The following ERBB4 variants were observed in gnomAD, a reference collection of about 807,000 sequenced individuals.
ERBB4 encodes the protein receptor tyrosine-protein kinase erbB-4.
A neutral mutation model predicts 158.0 loss-of-function variants in ERBB4; 42 were observed. That is an observed-to-expected ratio of 0.27 (90% CI 0.21 to 0.34). ERBB4 has a LOEUF of 0.34. ERBB4 is among the 10% of genes least tolerant of loss of function. The pLI, the probability that ERBB4 is intolerant of heterozygous loss-of-function variation, is 1.00. For missense variants in ERBB4, 1,333 were observed against 1,624.1 expected (o/e 0.82, Z 3.08); for synonymous variants, 583 against 558.7 (o/e 1.04, Z -0.61).
chr2:211,717,604 T>G (rs11895855), intron 7 of ERBB4, among the ~76,000 whole-genome samples: 96,496 of 151,874 alleles, frequency 0.64, 30,873 homozygotes, highest in Admixed American at 0.7. Flanking sequence ...CCGAGGGAGG[T>G]GGATTAACTG....
At chr2:212,238,493 G>A (rs2083962104) in intron 1 of ERBB4, among the ~76,000 whole-genome samples, 2 of 151,568 alleles carry the variant, frequency 1.3e-5, no homozygotes, top group South Asian at 4.2e-4. Context: ...GATCTCGCTG[G>A]AAGCTGCAGA....
intron 1 of ERBB4, among the ~76,000 whole-genome samples, chr2:212,307,207 T>G (rs947590547): frequency 6.6e-6 from 1 of 151,170 alleles, no homozygotes; most frequent in African/African-American, 2.4e-5. Flanking sequence ...CTGGATCAGA[T>G]GACCTTTCAG....
chr2:212,505,359 A>G (rs187085400), intron 1 of ERBB4, among the ~76,000 whole-genome samples: 67 of 152,272 alleles, frequency 4.4e-4, no homozygotes, highest in African/African-American at 1.5e-3. Flanking sequence ...GGCCTCCCAA[A>G]GTGCTGGGAC....
chr2:212,493,955 C>A (rs1690422963), intron 1 of ERBB4, among the ~76,000 whole-genome samples: 1 of 151,728 alleles, frequency 6.6e-6, no homozygotes, highest in Non-Finnish European at 1.5e-5. Flanking sequence ...AAGGAAAATT[C>A]TTATTCTTAT....
chr2:212,151,200 T>C (rs2080856008), intron 1 of ERBB4, among the ~76,000 whole-genome samples: 1 of 151,776 alleles, frequency 6.6e-6, no homozygotes. Context: ...TGTGATATTA[T>C]TTTTTAACAA....
At chr2:212,283,334 C>A (rs1034013354) in intron 1 of ERBB4, among the ~76,000 whole-genome samples, 2 of 151,962 alleles carry the variant, frequency 1.3e-5, no homozygotes, top group Non-Finnish European at 2.9e-5. Context: ...TCATATGGCA[C>A]AATTTGTACG....
chr2:211,627,339 T>A (rs549225902), intron 17 of ERBB4, among the ~76,000 whole-genome samples: 1 of 152,372 alleles, frequency 6.6e-6, no homozygotes, highest in East Asian at 1.9e-4. Flanking sequence ...AGTAATCAAA[T>A]TGCTCTTCAA....
chr2:212,368,130 C>T (rs558355940), intron 1 of ERBB4, among the ~76,000 whole-genome samples: 2 of 152,150 alleles, frequency 1.3e-5, no homozygotes, highest in Middle Eastern at 3.4e-3. Flanking sequence ...CTTGCACACA[C>T]GTTTACAGTG....
intron 1 of ERBB4, among the ~76,000 whole-genome samples, chr2:212,398,850 G>A (rs2091105534): frequency 6.6e-6 from 1 of 152,088 alleles, no homozygotes; most frequent in Non-Finnish European, 1.5e-5. Context: ...GACCAAAGCA[G>A]ATAGCATATT....
intron 1 of ERBB4, among the ~76,000 whole-genome samples, chr2:212,359,107 T>C (rs960767941): frequency 1.3e-5 from 2 of 151,646 alleles, no homozygotes; most frequent in African/African-American, 4.8e-5. Flanking sequence ...ACAACAGATA[T>C]TGTTCTTAAA....
At chr2:212,354,557 C>A (rs2888089) in intron 1 of ERBB4, among the ~76,000 whole-genome samples, 98,731 of 151,982 alleles carry the variant, frequency 0.65, 32,658 homozygotes, top group East Asian at 0.79. Context: ...TAACTTGGAT[C>A]TTCCTGGGTA....
intron 1 of ERBB4, among the ~76,000 whole-genome samples, chr2:212,203,327 C>G (rs959176821): frequency 6.6e-6 from 1 of 151,888 alleles, no homozygotes; most frequent in Non-Finnish European, 1.5e-5. Context: ...GAGAGAAGAG[C>G]AAAAGAAGTT....
chr2:211,620,216 AAAAAC>A (rs1196241122), intron 18 of ERBB4, among the ~76,000 whole-genome samples: 1 of 152,172 alleles, frequency 6.6e-6, no homozygotes, highest in Non-Finnish European at 1.5e-5. Flanking sequence ...GCATGAGGAC[AAAAAC>A]CGAAAAATCT....
At chr2:212,268,688 G>A (rs1574561000) in intron 1 of ERBB4, among the ~76,000 whole-genome samples, 2 of 151,808 alleles carry the variant, frequency 1.3e-5, no homozygotes, top group South Asian at 4.1e-4. Flanking sequence ...AGCAGTCATA[G>A]ATAATAGATA....
intron 1 of ERBB4, among the ~76,000 whole-genome samples, chr2:212,206,291 T>C (rs1241980531): frequency 6.6e-6 from 1 of 152,124 alleles, no homozygotes; most frequent in Non-Finnish European, 1.5e-5. Flanking sequence ...AAAAGTGATA[T>C]CACTAGAATC....
intron 12 of ERBB4, among the ~76,000 whole-genome samples, chr2:211,698,835 C>A (rs975394746): frequency 6.6e-6 from 1 of 152,186 alleles, no homozygotes; most frequent in African/African-American, 2.4e-5. Flanking sequence ...TCTAAAACTT[C>A]TTCCACCTAA....
chr2:212,141,094 T>C (rs1006482319), intron 1 of ERBB4, among the ~76,000 whole-genome samples: 2 of 151,862 alleles, frequency 1.3e-5, no homozygotes, highest in Non-Finnish European at 2.9e-5. Context: ...TGTTTTGAAT[T>C]ATTTAGGTTC....
At chr2:211,653,638 A>C (rs1301919432) in intron 16 of ERBB4, among the ~76,000 whole-genome samples, 1 of 152,076 alleles carries the variant, frequency 6.6e-6, no homozygotes, top group Non-Finnish European at 1.5e-5. Flanking sequence ...CCGCCAGTTA[A>C]AATATGGTTT....
At chr2:212,496,890 A>G (rs1575029405) in intron 1 of ERBB4, among the ~76,000 whole-genome samples, 1 of 152,230 alleles carries the variant, frequency 6.6e-6, no homozygotes, top group East Asian at 1.9e-4. Context: ...AAAAATAACT[A>G]TATTTTTAGC....
Sources: allele counts gnomAD v4.1 joint callset (sites outside exome capture counted in the v4.1 genomes callset), GRCh38; gene constraint gnomAD v4.1.1; transcripts MANE v1.5; gene names NCBI Gene and HGNC (gene_info 2026-07-23, HGNC 2026-07-21).